ZNF346: variants seen among roughly 807,000 people sequenced by gnomAD.
The protein encoded by ZNF346 is double-stranded RNA-binding zinc finger protein JAZ.
ZNF346 carries 23 observed loss-of-function variants against 33.7 expected under a neutral mutation model. The observed-to-expected ratio is 0.68, with a 90% CI of 0.49 to 0.97. The LOEUF is 0.97. Ranked by LOEUF, ZNF346 falls within the 50% of genes least tolerant of loss-of-function variation. The pLI, the probability that ZNF346 is intolerant of heterozygous loss-of-function variation, is 0.00. For synonymous variants in ZNF346, 134 were observed against 142.4 expected (o/e 0.94, Z 0.42); for missense variants, 340 against 371.1 (o/e 0.92, Z 0.69).
chr5:177,032,930 C>A (rs1777927401), intron 1 of ZNF346, among the ~76,000 whole-genome samples: 1 of 152,208 alleles, frequency 6.6e-6, no homozygotes, highest in African/African-American at 2.4e-5. Flanking sequence ...TATGGACTCA[C>A]AAAATGGAAG....
intron 6 of ZNF346, among the ~76,000 whole-genome samples, 177 bp from the exon 7 acceptor site, chr5:177,064,335 G>A (rs1187300756): frequency 6.6e-6 from 1 of 152,204 alleles, no homozygotes; most frequent in Non-Finnish European, 1.5e-5. Flanking sequence ...GAATTGCCAT[G>A]AGGATGGAAT....
chr5:177,050,464 A>G (rs924254585), intron 4 of ZNF346, among the ~76,000 whole-genome samples: 9 of 152,322 alleles, frequency 5.9e-5, no homozygotes, highest in African/African-American at 9.6e-5. Context: ...TATGAGAACC[A>G]CCAGGATTTG....
intron 3 of ZNF346, among the ~76,000 whole-genome samples, chr5:177,043,816 G>A (rs961506159): frequency 1.3e-5 from 2 of 152,008 alleles, no homozygotes; most frequent in Middle Eastern, 3.4e-3. Context: ...AGCATCTACT[G>A]TGTGCCAGAC....
chr5:177,023,046 C>A, intron 1 of ZNF346, 133 bp downstream of exon 1: 1 of 1,444,340 alleles, frequency 6.9e-7, no homozygotes, highest in Non-Finnish European at 9.3e-7. Flanking sequence ...CAGACTTGTG[C>A]TCCCCATCCG....
At chr5:177,068,059 A>C (rs1783324335), downstream of ZNF346, among the ~76,000 whole-genome samples, 2 of 118,962 alleles carry the variant, frequency 1.7e-5, 1 homozygote, top group African/African-American at 1.2e-4. Flanking sequence ...AGTAGAATCC[A>C]GTTCTCTAGA....
intron 1 of ZNF346, among the ~76,000 whole-genome samples, chr5:177,027,735 T>C (rs1777009143): frequency 6.6e-6 from 1 of 150,978 alleles, no homozygotes; most frequent in South Asian, 2.1e-4. Flanking sequence ...AGTGGCACAA[T>C]CATAGCTCAC....
rs781633242 is a variant in ZNF346, at chr5:177,062,167, T to C, written c.797+16T>C. The C allele has an allele frequency of 1.9e-6, 3 of 1,612,240 alleles. No individual in the cohort carries two copies. Among genetic ancestry groups the C allele is most frequent in the South Asian group, 2.2e-5 (2 of 91,012 alleles). On this transcript the variant is annotated intron_variant, in intron 6 of 6. Coordinates refer to ENST00000358149, the MANE Select transcript of ZNF346 (RefSeq NM_012279.4). ...ACAAGAACCAGTAAGTAACCATTTT[T>C]TGAAATTCTAGGATCCATAGCAGGA...
At chr5:177,053,487 G>C (rs1338539405) in intron 5 of ZNF346, among the ~76,000 whole-genome samples, 18 of 151,922 alleles carry the variant, frequency 1.2e-4, no homozygotes, top group Admixed American at 1.2e-3. Flanking sequence ...CTTGCCCAAA[G>C]TATTTGTGTA....
In ZNF346 at chr5:177,066,986, C is replaced by T. The variant is rs541207821; in HGVS notation, c.*2387C>T. 1.3e-5 allele frequency among the ~76,000 whole-genome samples: 2 copies of T among 152,006 alleles called. No individual in the cohort carries two copies. The highest frequency in any genetic ancestry group is 1.9e-4 in the East Asian group (1 of 5,146). ...CTGAGGCAAGAGAATTGCTTGAACC[C>T]GGGAGGCGGAGGGTCGCATTGAGCC... is the stretch of plus-strand genomic sequence containing the variant. On this transcript the variant is annotated 3_prime_UTR_variant, in exon 7 of 7. Transcript: ENST00000358149.
chr5:177,058,946 G>T (rs1488312037), intron 5 of ZNF346, among the ~76,000 whole-genome samples: 8 of 152,194 alleles, frequency 5.3e-5, no homozygotes, highest in Non-Finnish European at 1.2e-4. Context: ...GGTTGGCTAG[G>T]CTGGTCTGGA....
intron 6 of ZNF346, among the ~76,000 whole-genome samples, chr5:177,062,489 G>A (rs1356263282): frequency 6.6e-6 from 1 of 152,114 alleles, no homozygotes; most frequent in Non-Finnish European, 1.5e-5. Context: ...TTTTCTGGCA[G>A]GAGTTCCCTC....
At chr5:177,047,825 G>A (rs900481356) in intron 4 of ZNF346, among the ~76,000 whole-genome samples, 4 of 152,042 alleles carry the variant, frequency 2.6e-5, no homozygotes, top group South Asian at 2.1e-4. Context: ...TATTACTAGC[G>A]ATGGGGTTTC....
intron 4 of ZNF346, among the ~76,000 whole-genome samples, chr5:177,049,901 A>G (rs866901937): frequency 9.2e-5 from 14 of 152,142 alleles, no homozygotes; most frequent in Admixed American, 3.9e-4. Flanking sequence ...CAGTGGCGCA[A>G]TCTCGGCTCG....
At chr5:177,074,962 AGGC>A (rs1562051313) in intron 8 of ZNF346, among the ~76,000 whole-genome samples, 1 of 151,956 alleles carries the variant, frequency 6.6e-6, no homozygotes, top group Non-Finnish European at 1.5e-5. Flanking sequence ...GCTACTCGGG[AGGC>A]TGAGGCAGGT....
At chr5:177,042,257 C>T (rs554190376) in intron 3 of ZNF346, 1 of 161,956 alleles carries the variant, frequency 6.2e-6, no homozygotes, top group East Asian at 1.7e-4. Flanking sequence ...CTAAGTTCAG[C>T]ACTTGAATGT....
intron 1 of ZNF346, among the ~76,000 whole-genome samples, chr5:177,040,606 A>C (rs1779220331): frequency 6.6e-6 from 1 of 152,194 alleles, no homozygotes; most frequent in South Asian, 2.1e-4. Flanking sequence ...CGGCCTCCCA[A>C]AGTGCTAGGA....
chr5:177,061,109 CA>C (rs200919128), intron 5 of ZNF346, among the ~76,000 whole-genome samples: 3 of 144,402 alleles, frequency 2.1e-5, no homozygotes, highest in Admixed American at 7.0e-5. Context: ...AAGACTGTCT[CA>C]AAAAAAAACA....
At chr5:177,041,906 T>C in intron 3 of ZNF346, 36 bp downstream of exon 3, 1 of 1,431,914 alleles carries the variant, frequency 7.0e-7, no homozygotes, top group Non-Finnish European at 9.8e-7. Context: ...ACTTGCTTCA[T>C]GATGAAGCCA....
chr5:177,080,394 G>A (rs978376964), exon 9 of ZNF346: 1 of 152,252 alleles, frequency 6.6e-6, no homozygotes, highest in Non-Finnish European at 1.5e-5. Flanking sequence ...CTGGCATTGT[G>A]CTTGACATAC....
Sources: gnomAD v4.1 joint callset for allele counts (sites outside exome capture counted in the v4.1 genomes callset) on GRCh38, gnomAD v4.1.1 for gene constraint, MANE v1.5 for transcripts, NCBI Gene and HGNC (gene_info 2026-07-23, HGNC 2026-07-21) for gene names.